The following PHYHIPL variants were observed in gnomAD, a reference collection of about 807,000 sequenced individuals.
PHYHIPL encodes phytanoyl-CoA hydroxylase-interacting protein-like.
PHYHIPL carries 9 observed loss-of-function variants against 33.4 expected under a neutral mutation model. The ratio of observed to expected loss-of-function variants is 0.27; its 90% CI spans 0.16 to 0.47. The LOEUF is 0.47. Ranked by LOEUF, PHYHIPL falls within the 20% of genes least tolerant of loss-of-function variation. PHYHIPL has a pLI of 0.99. For synonymous variants in PHYHIPL, 153 were observed against 154.1 expected (o/e 0.99, Z 0.05); for missense variants, 365 against 460.7 (o/e 0.79, Z 1.90).
At chr10:59,225,469 A>G (rs1374093920) in intron 1 of PHYHIPL, among the ~76,000 whole-genome samples, 1 of 152,122 alleles carries the variant, frequency 6.6e-6, no homozygotes, top group African/African-American at 2.4e-5. Context: ...GTGAAGCTTT[A>G]TCTCCTGATG....
intron 1 of PHYHIPL, among the ~76,000 whole-genome samples, chr10:59,212,888 G>A (rs1289179146): frequency 6.6e-6 from 1 of 152,028 alleles, no homozygotes; most frequent in Non-Finnish European, 1.5e-5. Flanking sequence ...TTATCAATTT[G>A]TACAACATAG....
intron 1 of PHYHIPL, among the ~76,000 whole-genome samples, chr10:59,180,101 A>T (rs570546821): frequency 2.6e-5 from 4 of 151,776 alleles, no homozygotes; most frequent in African/African-American, 9.7e-5. Flanking sequence ...ATAAAATGAA[A>T]GAGAAAATTT....
chr10:59,177,434 C>T, intron 1 of PHYHIPL: 1 of 1,491,302 alleles, frequency 6.7e-7, no homozygotes, highest in Non-Finnish European at 8.9e-7. Context: ...CTCAGACTCC[C>T]CAAATTAACA....
rs771105636 is a variant in PHYHIPL, at chr10:59,238,603, A to G, written c.494A>G (p.His165Arg). Residue 165 changes from histidine (H) to arginine (R), a missense_variant, in exon 4 of 5, where the codon CAT becomes CGT. His to Arg is a conservative substitution (Grantham distance 29). Around this residue, in one of 4 missense-constraint regions of PHYHIPL, gnomAD observed 196 missense variants for 224.9 expected, o/e 0.87. Transcript: ENST00000373880. ...TTTTTTCCAGACTATTCAAAAGTTC[A>G]TCTAACACAATTGTTGGAGAAGGCT... ...EFCTADYSKV[H>R]LTQLLEKAEV... is the part of the protein sequence containing the mutation. 5 of 1,607,438 alleles carry G rather than the reference A, an allele frequency of 3.1e-6. No homozygotes were observed. Among genetic ancestry groups the G allele is most frequent in the Non-Finnish European group, 1.7e-6 (2 of 1,174,708 alleles).
chr10:59,209,699 T>A (rs1839391514), intron 1 of PHYHIPL, among the ~76,000 whole-genome samples: 1 of 152,158 alleles, frequency 6.6e-6, no homozygotes, highest in Non-Finnish European at 1.5e-5. Flanking sequence ...CAAAACAGCA[T>A]GGTACTGGTA....
chr10:59,205,903 C>T (rs541913102), intron 1 of PHYHIPL, among the ~76,000 whole-genome samples: 1 of 152,232 alleles, frequency 6.6e-6, no homozygotes, highest in South Asian at 2.1e-4. Flanking sequence ...TAAGTTTAGC[C>T]TGTCTTCGGT....
chr10:59,175,696 T>A (rs1838236506), upstream of PHYHIPL, among the ~76,000 whole-genome samples: 1 of 152,172 alleles, frequency 6.6e-6, no homozygotes, highest in Admixed American at 6.5e-5. Flanking sequence ...GCAATTAAAA[T>A]CAATGGGCAT....
chr10:59,218,312 A>C (rs1379473238), intron 1 of PHYHIPL, among the ~76,000 whole-genome samples: 1 of 152,148 alleles, frequency 6.6e-6, no homozygotes, highest in Non-Finnish European at 1.5e-5. Context: ...CTTCCTGATC[A>C]ATTCACTCGT....
upstream of PHYHIPL, among the ~76,000 whole-genome samples, chr10:59,174,419 G>A (rs555576201): frequency 1.3e-5 from 2 of 152,226 alleles, no homozygotes; most frequent in South Asian, 4.1e-4. Flanking sequence ...GCCTAGCCTT[G>A]ATATGTTGAA....
At chr10:59,232,281 C>T (rs1840102073) in intron 1 of PHYHIPL, among the ~76,000 whole-genome samples, 2 of 151,846 alleles carry the variant, frequency 1.3e-5, no homozygotes, top group African/African-American at 2.4e-5. Flanking sequence ...AAAAGTTAAT[C>T]TAGTGGTTTT....
Position 59,245,118 on chromosome 10 carries a change from C to A in PHYHIPL, c.658C>A (p.Pro220Thr). 6.2e-7 allele frequency: 1 copy of A among 1,614,052 alleles called. No individual in the cohort carries two copies. The highest frequency in any genetic ancestry group is 8.5e-7 in the Non-Finnish European group (1 of 1,179,988). ...VKDNSGSHGS[P>T]ISGKLEGIFF... ...GGATAACAGTGGTAGCCATGGCTCT[C>A]CTATCAGTGGAAAATTAGAAGGCAT... Residue 220 changes from proline (P) to threonine (T), a missense_variant, in exon 5 of 5, where the codon CCT becomes ACT. Transcript: ENST00000373880.
intron 1 of PHYHIPL, among the ~76,000 whole-genome samples, chr10:59,198,369 C>T (rs1172876096): frequency 1.3e-5 from 2 of 152,130 alleles, no homozygotes; most frequent in African/African-American, 4.8e-5. Context: ...CATGTCCCTA[C>T]AAAGGACATG....
chr10:59,230,944 A>G (rs1026640201), intron 1 of PHYHIPL, among the ~76,000 whole-genome samples: 5 of 152,170 alleles, frequency 3.3e-5, no homozygotes, highest in Non-Finnish European at 7.4e-5. Flanking sequence ...AAGTTTTATC[A>G]TGCAGATGAA....
At chr10:59,195,925 T>C (rs991686149) in intron 1 of PHYHIPL, among the ~76,000 whole-genome samples, 1 of 152,196 alleles carries the variant, frequency 6.6e-6, no homozygotes. Flanking sequence ...TTAATGTTTA[T>C]TTTTATATTA....
rs1840691150 is a variant in PHYHIPL at position 59,246,179 on chromosome 10, A to T, written c.*588A>T. On this transcript the variant is annotated 3_prime_UTR_variant, in exon 5 of 5. Transcript: ENST00000373880. The stretch of plus-strand genomic sequence containing the variant: ...TTGTATTGTTGTATAAAATATTTAC[A>T]ATCATATAGAATATATAGAGTTACA... The T allele has an allele frequency of 6.5e-6, 1 of 152,868 alleles. No individual in the cohort carries two copies. Among genetic ancestry groups the T allele is most frequent in the Non-Finnish European group, 1.5e-5 (1 of 68,198 alleles). The allele number at this position is 152,868 out of a possible 1,614,324, so 9.5% of individuals were successfully genotyped here. A position where few individuals can be genotyped will look rare whatever the true frequency, so the allele number is the denominator to read the frequency against.
At chr10:59,186,740 T>C (rs1838617465) in intron 1 of PHYHIPL, among the ~76,000 whole-genome samples, 1 of 152,192 alleles carries the variant, frequency 6.6e-6, no homozygotes, top group Non-Finnish European at 1.5e-5. Context: ...GAATGGGAGT[T>C]CACTCATGAT....
intron 1 of PHYHIPL, among the ~76,000 whole-genome samples, chr10:59,223,640 A>G (rs1249566050): frequency 1.3e-5 from 2 of 151,830 alleles, no homozygotes; most frequent in African/African-American, 4.9e-5. Flanking sequence ...ACTGAGTTCA[A>G]TGATATTAAA....
rs918265929 is a variant in PHYHIPL at position 59,246,614 on chromosome 10, G to A, written c.*1023G>A. The A allele has an allele frequency of 1.0e-5, 4 of 397,652 alleles. No individual in the cohort carries two copies. The highest frequency in any genetic ancestry group is 1.8e-5 in the Non-Finnish European group (4 of 225,174). 24.6% of individuals were successfully genotyped at this position (397,652 alleles called of 1,614,324 possible). A position where few individuals can be genotyped will look rare whatever the true frequency, so the allele number is the denominator to read the frequency against. Reference sequence around the variant, plus strand: ...ACACAAAATGATATACACTGAAGTTGATGAAGCAAATAAATATTCTGGCTT... The same window carrying A: ...ACACAAAATGATATACACTGAAGTTAATGAAGCAAATAAATATTCTGGCTT... On this transcript the variant is annotated 3_prime_UTR_variant, in exon 5 of 5. Transcript: ENST00000373880.
intron 1 of PHYHIPL, among the ~76,000 whole-genome samples, chr10:59,229,153 A>T (rs1274799182): frequency 6.6e-6 from 1 of 152,212 alleles, no homozygotes; most frequent in African/African-American, 2.4e-5. Flanking sequence ...CTTGAAAGCC[A>T]AGTAACTTTT....
Sources: allele counts gnomAD v4.1 joint callset (sites outside exome capture counted in the v4.1 genomes callset), GRCh38; gene constraint gnomAD v4.1.1; regional missense constraint gnomAD v4.1.1; transcripts MANE v1.5; gene names NCBI Gene and HGNC (gene_info 2026-07-23, HGNC 2026-07-21).